Variants in TACR1 observed in about 807,000 individuals in gnomAD.
TACR1 encodes the protein substance-P receptor.
A neutral mutation model predicts 35.8 loss-of-function variants in TACR1; 25 were observed. That is an observed-to-expected ratio of 0.70 (90% CI 0.51 to 0.98). The LOEUF is 0.98. TACR1 is among the 50% of genes least tolerant of loss of function. The pLI, the probability that TACR1 is intolerant of heterozygous loss-of-function variation, is 0.00. For missense variants in TACR1, 478 were observed against 522.9 expected (o/e 0.91, Z 0.84); for synonymous variants, 195 against 206.7 (o/e 0.94, Z 0.48).
At chr2:75,113,646 C>A (rs549176662) in intron 2 of TACR1, among the ~76,000 whole-genome samples, 2 of 141,928 alleles carry the variant, frequency 1.4e-5, no homozygotes, top group East Asian at 4.2e-4. Context: ...ATGCACTTTT[C>A]CCTCTCCATT....
rs147713529 is a variant in TACR1, at chr2:75,112,444, A to C, written c.584+8130T>G. 5.6e-3 allele frequency among the ~76,000 whole-genome samples: 853 copies of C among 152,226 alleles called. 7 individuals carry two copies. The highest frequency in any genetic ancestry group is 0.019 in the African/African-American group (785 of 41,560). ...ACTGATATCCTTAGGAATTATATAA[A>C]GATAGAAGGGAAACTGTTTTCTATA... On this transcript the variant is annotated intron_variant, in intron 2 of 4. Coordinates refer to ENST00000305249, the MANE Select transcript of TACR1 (RefSeq NM_001058.4).
intron 1 of TACR1, among the ~76,000 whole-genome samples, chr2:75,170,563 G>C (rs1675253090): frequency 6.6e-6 from 1 of 152,182 alleles, no homozygotes; most frequent in Non-Finnish European, 1.5e-5. Flanking sequence ...ACAGTTTGGA[G>C]GGCTCAGAAG....
At chr2:75,179,297 A>G (rs1038221140) in intron 1 of TACR1, among the ~76,000 whole-genome samples, 4 of 152,106 alleles carry the variant, frequency 2.6e-5, no homozygotes, top group Non-Finnish European at 1.5e-5. Context: ...TGTCTCCCAA[A>G]TCTGATCCCT....
intron 2 of TACR1, among the ~76,000 whole-genome samples, chr2:75,102,676 T>A (rs1186900773): frequency 6.6e-6 from 1 of 152,110 alleles, no homozygotes; most frequent in South Asian, 2.1e-4. Context: ...GAAAAAAAAT[T>A]ATTTATATAT....
intron 2 of TACR1, among the ~76,000 whole-genome samples, chr2:75,111,106 T>C (rs1673741143): frequency 1.3e-5 from 2 of 152,030 alleles, no homozygotes; most frequent in African/African-American, 4.8e-5. Flanking sequence ...TTTTCTCATA[T>C]ATTATAATCT....
intron 2 of TACR1, among the ~76,000 whole-genome samples, chr2:75,068,863 T>G (rs755707001): frequency 5.9e-5 from 9 of 152,138 alleles, no homozygotes; most frequent in Non-Finnish European, 1.0e-4. Context: ...TGGAAAGAAT[T>G]ATAAAACTGT....
intron 2 of TACR1, among the ~76,000 whole-genome samples, chr2:75,107,039 C>G (rs1197561911): frequency 6.6e-6 from 1 of 151,190 alleles, no homozygotes; most frequent in Non-Finnish European, 1.5e-5. Flanking sequence ...TAGAGGAAAA[C>G]TAAATATATG....
chr2:75,101,091 G>C (rs1673526723), intron 2 of TACR1, among the ~76,000 whole-genome samples: 1 of 151,704 alleles, frequency 6.6e-6, no homozygotes, highest in African/African-American at 2.4e-5. Flanking sequence ...GCAGAAAACT[G>C]AATTAGTCAG....
intron 2 of TACR1, among the ~76,000 whole-genome samples, chr2:75,111,636 A>G (rs2103889377): frequency 6.6e-6 from 1 of 152,148 alleles, no homozygotes; most frequent in Non-Finnish European, 1.5e-5. Flanking sequence ...CTGTAAAGAA[A>G]AGATGTGAGA....
At chr2:75,110,763 ATTTG>A (rs1673734560) in intron 2 of TACR1, among the ~76,000 whole-genome samples, 1 of 147,954 alleles carries the variant, frequency 6.8e-6, no homozygotes, top group Admixed American at 6.9e-5. Flanking sequence ...ATGATTTGAT[ATTTG>A]TTTCTAATTT....
chr2:75,150,112 A>C (rs955014476), intron 1 of TACR1, among the ~76,000 whole-genome samples: 1 of 152,220 alleles, frequency 6.6e-6, no homozygotes, highest in East Asian at 1.9e-4. Flanking sequence ...ATGATGGATA[A>C]GCTTTTTGAT....
chr2:75,115,915 A>T (rs898921922), intron 2 of TACR1, among the ~76,000 whole-genome samples: 11 of 151,166 alleles, frequency 7.3e-5, no homozygotes, highest in Admixed American at 6.6e-5. Context: ...TCAAAAAAAA[A>T]AAAAAAAAAA....
intron 1 of TACR1, among the ~76,000 whole-genome samples, chr2:75,170,748 A>C (rs1675258452): frequency 6.6e-6 from 1 of 152,168 alleles, no homozygotes; most frequent in Non-Finnish European, 1.5e-5. Context: ...TAGCAAAGAG[A>C]CTGGCAGCAT....
intron 1 of TACR1, among the ~76,000 whole-genome samples, chr2:75,123,519 AT>A (rs1470654384): frequency 6.6e-6 from 1 of 152,202 alleles, no homozygotes; most frequent in Non-Finnish European, 1.5e-5. Context: ...AAAAATTGCA[AT>A]TTGGGAACGC....
intron 2 of TACR1, among the ~76,000 whole-genome samples, chr2:75,079,341 G>C (rs1451407501): frequency 6.6e-6 from 1 of 152,118 alleles, no homozygotes; most frequent in Non-Finnish European, 1.5e-5. Context: ...TCTGTGTGTA[G>C]TCTTTCTCCC....
chr2:75,126,876 A>C (rs1229894171), intron 1 of TACR1, among the ~76,000 whole-genome samples: 1 of 152,214 alleles, frequency 6.6e-6, no homozygotes, highest in Non-Finnish European at 1.5e-5. Context: ...CTGTGGCCGC[A>C]AGCATATGAA....
chr2:75,158,523 T>A (rs79522536), intron 1 of TACR1, among the ~76,000 whole-genome samples: 2 of 152,296 alleles, frequency 1.3e-5, no homozygotes, highest in Non-Finnish European at 2.9e-5. Flanking sequence ...TCAGGCAAAG[T>A]TCTAACCTTA....
chr2:75,085,674 A>G (rs1206439388), intron 2 of TACR1, among the ~76,000 whole-genome samples: 1 of 152,146 alleles, frequency 6.6e-6, no homozygotes, highest in East Asian at 1.9e-4. Context: ...TGACTGAGCA[A>G]TGTCTGGGAG....
chr2:75,053,483 T>G, intron 3 of TACR1, 122 bp downstream of exon 3: 1 of 1,240,046 alleles, frequency 8.1e-7, no homozygotes. Flanking sequence ...CTCCTCTCTG[T>G]TGCTCCCCAT....
Sources: allele counts gnomAD v4.1 joint callset (sites outside exome capture counted in the v4.1 genomes callset), GRCh38; gene constraint gnomAD v4.1.1; transcripts MANE v1.5; gene names NCBI Gene and HGNC (gene_info 2026-07-23, HGNC 2026-07-21).